The following SORL1 variants were observed in gnomAD, a reference collection of about 807,000 sequenced individuals.
SORL1 encodes the protein sortilin related receptor 1, also known as sortilin-related receptor.
A neutral mutation model predicts 273.7 loss-of-function variants in SORL1; 127 were observed. The observed-to-expected ratio is 0.46, with a 90% confidence interval of 0.40 to 0.54. The LOEUF (loss-of-function observed/expected upper bound fraction) is 0.54, where lower values mean the gene tolerates loss of function less well. Ranked by LOEUF, SORL1 falls within the 20% of genes least tolerant of loss-of-function variation. The pLI is 0.00. For missense variants in SORL1, 2,494 were observed against 2,846.1 expected (o/e 0.88, Z 2.81); for synonymous variants, 1,031 against 1,067.4 (o/e 0.97, Z 0.66).
At chr11:121,499,066 C>T (rs546546173) in intron 6 of SORL1, among the ~76,000 whole-genome samples, 129 of 152,194 alleles carry the variant, frequency 8.5e-4, no homozygotes, top group Non-Finnish European at 1.5e-3. Flanking sequence ...CAGTGCCTTG[C>T]GCTATGTTTG....
chr11:121,607,121 C>T (rs1565352615), intron 36 of SORL1, 65 bp from the exon 37 acceptor site: 3 of 1,140,420 alleles, frequency 2.6e-6, no homozygotes, highest in South Asian at 2.5e-5. Flanking sequence ...AGCCTCCTTG[C>T]AAGATATTAG....
At chr11:121,456,400 C>A (rs1860905826) in intron 1 of SORL1, among the ~76,000 whole-genome samples, 1 of 152,098 alleles carries the variant, frequency 6.6e-6, no homozygotes, top group Non-Finnish European at 1.5e-5. Context: ...ATTTGTGGAC[C>A]AGCCACACAC....
chr11:121,605,110 T>C lies in SORL1; in HGVS notation c.4652-3T>C. The C allele has an allele frequency of 6.2e-7, 1 of 1,608,866 alleles. No homozygotes were observed. ...TTTGTCTTTTTCTCCTTTATCTCTC[T>C]AGATGAGTTGACTGTGTACAAAGTA... On this transcript the variant is annotated splice_region_variant and splice_polypyrimidine_tract_variant and intron_variant, in intron 33 of 47. Coordinates refer to ENST00000260197, the MANE Select transcript of SORL1 (RefSeq NM_003105.6).
At chr11:121,478,386 T>C in intron 3 of SORL1, 143 bp downstream of exon 3, 1 of 958,484 alleles carries the variant, frequency 1.0e-6, no homozygotes. Flanking sequence ...TGTGCTAACC[T>C]GGGCATTTGT....
chr11:121,532,659 A>G (rs1475547375), intron 12 of SORL1, 107 bp downstream of exon 12: 82 of 915,526 alleles, frequency 9.0e-5, no homozygotes, highest in South Asian at 6.2e-5. Flanking sequence ...TTGACAGCAC[A>G]ATTTGTGATC....
rs745676687 is a variant in SORL1, at chr11:121,554,119, C to T, written c.2439+10C>T. 1.5e-5 allele frequency: 24 copies of T among 1,611,010 alleles called. No individual in the cohort carries two copies. Among genetic ancestry groups the T allele is most frequent in the Middle Eastern group, 3.3e-4 (2 of 6,064 alleles). ...CTTGGACGTCATCCAGGTGAGTCAG[C>T]GCTTGGTCTGACTGTGGGAGCTGTG... is the stretch of plus-strand genomic sequence containing the variant. On this transcript the variant is annotated intron_variant, in intron 17 of 47. Transcript: ENST00000260197. This position sits in a 1 kb window ranked among gnomAD's most constrained non-coding sequence, Gnocchi z 4.6.
chr11:121,531,466 C>T (rs1295661366), intron 11 of SORL1, among the ~76,000 whole-genome samples: 2 of 152,098 alleles, frequency 1.3e-5, no homozygotes, highest in African/African-American at 4.8e-5. Flanking sequence ...CTATCTTTTC[C>T]TTTGAGAATT....
At position 121,631,380 on chromosome 11, in the gene SORL1, A is replaced by G. The variant is rs897421060; in HGVS notation, c.*1817A>G. ...GTCACTTTCCTAAGTTTTTTTTTTT[A>G]AAGACTGGAATTTTTTTTGGCTTTA... On this transcript the variant is annotated 3_prime_UTR_variant, in exon 48 of 48. Transcript: ENST00000260197. 1 of 148,438 alleles carries G rather than the reference A, an allele frequency of 6.7e-6. No homozygotes were observed. The highest frequency in any genetic ancestry group is 1.5e-5 in the Non-Finnish European group (1 of 66,928). The allele number at this position is 148,438 out of a possible 1,614,324, so 9.2% of individuals were successfully genotyped here. A position where few individuals can be genotyped will look rare whatever the true frequency, so the allele number is the denominator to read the frequency against.
Position 121,628,368 on chromosome 11 carries a change from C to T in SORL1, c.6577+601C>T, listed in dbSNP as rs528776712. Among the ~76,000 whole-genome samples the T allele has an allele frequency of 4.6e-5, 7 of 152,304 alleles. No homozygotes were observed. In the East Asian group the frequency reaches 1.4e-3, roughly 29 times the overall value. Reference sequence around the variant, plus strand: ...ATGAGACTGTTCCACCTCAGATCAGCAGGCATTAGATTCTCATAGGGAGCG... The same window carrying T: ...ATGAGACTGTTCCACCTCAGATCAGTAGGCATTAGATTCTCATAGGGAGCG... On this transcript the variant is annotated intron_variant, in intron 47 of 47. Coordinates refer to ENST00000260197, the MANE Select transcript of SORL1 (RefSeq NM_003105.6).
Position 121,550,068 on chromosome 11 carries a change from T to C in SORL1, c.2160T>C (p.Ser720=). The C allele has an allele frequency of 1.9e-6, 3 of 1,613,570 alleles. No individual in the cohort carries two copies. The highest frequency in any genetic ancestry group is 2.5e-6 in the Non-Finnish European group (3 of 1,179,672). ...YSPPVPCPVG[S]TYRRTRGYRK... ...CTCCTGTGCCTTGCCCTGTGGGTTC[T>C]ACTTACAGGAGAACGAGAGGGTATG... Residue 720 remains serine, a synonymous_variant, in exon 15 of 48, where the codon TCT becomes TCC. Coordinates refer to ENST00000260197, the MANE Select transcript of SORL1 (RefSeq NM_003105.6). This position sits in a 1 kb window ranked among gnomAD's most constrained non-coding sequence, Gnocchi z 5.3.
In SORL1 at chr11:121,595,863, G is replaced by A. The variant is rs910330668; in HGVS notation, c.4519+91G>A. 8.7e-6 allele frequency: 12 copies of A among 1,379,112 alleles called. No homozygotes were observed. In the Admixed American group the frequency reaches 1.2e-4, roughly 14 times the overall value. 85.4% of individuals were successfully genotyped at this position (1,379,112 alleles called of 1,614,324 possible). Reference sequence around the variant, plus strand: ...CTGCTTCATTTCTGGATCAGCACACGCCTGTGTGTGAGTCTGTGTACTTGC... The same window carrying A: ...CTGCTTCATTTCTGGATCAGCACACACCTGTGTGTGAGTCTGTGTACTTGC... On this transcript the variant is annotated intron_variant, in intron 32 of 47. Coordinates refer to ENST00000260197, the MANE Select transcript of SORL1 (RefSeq NM_003105.6). The surrounding 1 kb of genome is among the most constrained non-coding windows in gnomAD (Gnocchi z 5.1).
rs67090204 is a variant in SORL1, at chr11:121,535,089, GTT to G, written c.1685+2549_1685+2550del. Among the ~76,000 whole-genome samples the G allele has an allele frequency of 5.0e-3, 737 of 148,600 alleles. 7 individuals are homozygous for G. Among genetic ancestry groups the G allele is most frequent in the African/African-American group, 0.014 (585 of 40,510 alleles). Reference sequence around the variant, plus strand: ...ACTTAATCATCCAAGATTGCTTATGGTTTTTTTTTTTTTAACTGATTTATAAA... The same window carrying G: ...ACTTAATCATCCAAGATTGCTTATGGTTTTTTTTTTTAACTGATTTATAAA... On this transcript the variant is annotated intron_variant, in intron 12 of 47. Coordinates refer to ENST00000260197, the MANE Select transcript of SORL1 (RefSeq NM_003105.6).
intron 25 of SORL1, among the ~76,000 whole-genome samples, chr11:121,578,241 T>C (rs1159077864): frequency 2.0e-5 from 3 of 152,240 alleles, no homozygotes; most frequent in Non-Finnish European, 4.4e-5. Flanking sequence ...TTTAAACATT[T>C]CATGGTAAGG....
chr11:121,617,561 A>T (rs762309521), intron 41 of SORL1, among the ~76,000 whole-genome samples: 8 of 152,294 alleles, frequency 5.3e-5, no homozygotes, highest in African/African-American at 1.7e-4. Flanking sequence ...GTTGCCTGGG[A>T]CTTGGAAATC....
At chr11:121,535,371 C>T (rs1862253761) in intron 12 of SORL1, among the ~76,000 whole-genome samples, 1 of 152,220 alleles carries the variant, frequency 6.6e-6, no homozygotes, top group African/African-American at 2.4e-5. Flanking sequence ...GGAATCATTT[C>T]AGGTCCATTA....
chr11:121,513,424 T>A (rs1007538835), intron 7 of SORL1, among the ~76,000 whole-genome samples: 2 of 152,192 alleles, frequency 1.3e-5, no homozygotes, highest in Non-Finnish European at 2.9e-5. Context: ...GATCTTTTTT[T>A]ATTAAGTAAC....
chr11:121,535,480 A>G (rs1349147558), intron 12 of SORL1, among the ~76,000 whole-genome samples: 2 of 152,140 alleles, frequency 1.3e-5, no homozygotes, highest in African/African-American at 4.8e-5. Flanking sequence ...GCCTGTGCCC[A>G]CTGTGGCTCT....
intron 1 of SORL1, among the ~76,000 whole-genome samples, chr11:121,455,577 T>C (rs190498728): frequency 2.6e-5 from 4 of 152,368 alleles, no homozygotes; most frequent in African/African-American, 9.6e-5. Context: ...CTTGGTTATT[T>C]TGACCATTTT....
chr11:121,597,085 G>A (rs542002587), intron 32 of SORL1, among the ~76,000 whole-genome samples: 20 of 152,322 alleles, frequency 1.3e-4, no homozygotes, highest in African/African-American at 4.1e-4. Context: ...GGAGATGCTC[G>A]GGAACCCAAG....
Sources: gnomAD v4.1 joint callset for allele counts (sites outside exome capture counted in the v4.1 genomes callset) on GRCh38, gnomAD v4.1.1 for gene constraint, Gnocchi (gnomAD v3.1) non-coding constraint, MANE v1.5 for transcripts, NCBI Gene and HGNC (gene_info 2026-07-23, HGNC 2026-07-21) for gene names.